The following DACH2 variants were observed in gnomAD, a reference collection of about 807,000 sequenced individuals.
DACH2 encodes dachshund family transcription factor 2.
Under a neutral mutation model 35.8 loss-of-function variants are expected in DACH2, and 17 were observed. The ratio of observed to expected loss-of-function variants is 0.48; its 90% CI spans 0.33 to 0.71. The LOEUF (loss-of-function observed/expected upper bound fraction) is 0.71, where lower values mean the gene tolerates loss of function less well. Ranked by LOEUF, DACH2 falls within the 30% of genes least tolerant of loss-of-function variation. The probability of loss-of-function intolerance (pLI) is 0.02; values close to 1 mark genes in which losing one functional copy is unlikely to be tolerated. For missense variants in DACH2, 469 were observed against 472.7 expected, an observed-to-expected ratio of 0.99 and a Z score of 0.07; for synonymous variants, 195 against 177.3, an observed-to-expected ratio of 1.10 and a Z score of -0.79.
intron 2 of DACH2, among the ~76,000 whole-genome samples, chrX:86,444,421 C>T (rs2037224265): frequency 1.8e-5 from 2 of 111,532 alleles, no homozygotes; most frequent in Non-Finnish European, 3.8e-5. Context: ...TAGAATTCAG[C>T]AGTAAAGTCA....
At chrX:86,366,279 G>A (rs1449342520) in intron 1 of DACH2, among the ~76,000 whole-genome samples, 2 of 110,716 alleles carry the variant, frequency 1.8e-5, no homozygotes, top group Non-Finnish European at 3.8e-5. Context: ...TATAGTTAAT[G>A]TCCATTTACT....
At chrX:86,197,530 G>T (rs766622428) in intron 1 of DACH2, among the ~76,000 whole-genome samples, 1 of 110,857 alleles carries the variant, frequency 9.0e-6, no homozygotes, top group East Asian at 2.8e-4. Flanking sequence ...TGCATGCAAT[G>T]ACACCTCTTA....
At chrX:86,678,478 G>GAT (rs1342632886) in intron 4 of DACH2, among the ~76,000 whole-genome samples, 4 of 111,553 alleles carry the variant, frequency 3.6e-5, no homozygotes, top group Non-Finnish European at 7.5e-5. Flanking sequence ...GTTTTCACTT[G>GAT]GTAAAAATAA....
intron 6 of DACH2, among the ~76,000 whole-genome samples, chrX:86,726,303 C>A (rs1214789528): frequency 9.0e-6 from 1 of 111,511 alleles, no homozygotes; most frequent in African/African-American, 3.3e-5. Context: ...GCAGAGTCAG[C>A]CCAAACTCTG....
At chrX:86,405,840 G>A (rs775661711) in intron 2 of DACH2, among the ~76,000 whole-genome samples, 53 of 111,774 alleles carry the variant, frequency 4.7e-4, no homozygotes, top group South Asian at 1.5e-3. Context: ...CAGTTCCAGA[G>A]GTCTGGGGAG....
chrX:86,206,826 G>A (rs1460046790), intron 1 of DACH2, among the ~76,000 whole-genome samples: 1 of 112,003 alleles, frequency 8.9e-6, no homozygotes, highest in East Asian at 2.8e-4. Context: ...GCCCACACAT[G>A]AAATCGATGT....
intron 6 of DACH2, among the ~76,000 whole-genome samples, chrX:86,719,789 A>T (rs1324375733): frequency 2.7e-5 from 3 of 110,467 alleles, no homozygotes; most frequent in Non-Finnish European, 5.7e-5. Context: ...GGGGATTATA[A>T]CAATTCAAGG....
intron 1 of DACH2, among the ~76,000 whole-genome samples, chrX:86,322,516 G>T (rs1022257710): frequency 1.8e-5 from 2 of 111,793 alleles, no homozygotes; most frequent in African/African-American, 3.3e-5. Context: ...CCCTGTGGTT[G>T]CAGGTATGAC....
intron 3 of DACH2, among the ~76,000 whole-genome samples, chrX:86,633,969 T>A (rs1179640209): frequency 8.9e-6 from 1 of 112,264 alleles, no homozygotes; most frequent in Non-Finnish European, 1.9e-5. Flanking sequence ...GGGTAATTTA[T>A]GAAGAGAAGA....
chrX:86,324,895 A>T (rs1201732209), intron 1 of DACH2, among the ~76,000 whole-genome samples: 2 of 110,606 alleles, frequency 1.8e-5, no homozygotes, highest in Non-Finnish European at 3.8e-5. Context: ...GTCAGAAGCC[A>T]TCAACATATA....
At position 86,156,930 on chromosome X, in the gene DACH2, A is replaced by T. The variant is rs1030269786; in HGVS notation, c.488+7822A>T. On this transcript the variant is annotated intron_variant, in intron 1 of 11. Coordinates refer to ENST00000373125, the MANE Select transcript of DACH2 (RefSeq NM_053281.3). ...TAAGGCCCAATCCAATGAAACTCAA[A>T]TTTGCATGAAGTATCCTCCTCACCA... Among the ~76,000 whole-genome samples the T allele has an allele frequency of 2.7e-5, 3 of 111,320 alleles. No individual in the cohort carries two copies. The Admixed American group carries it at 2.9e-4, about 11-fold the overall frequency.
At chrX:86,426,373 A>T (rs1034944729) in intron 2 of DACH2, among the ~76,000 whole-genome samples, 2 of 110,884 alleles carry the variant, frequency 1.8e-5, no homozygotes, top group African/African-American at 6.5e-5. Context: ...TTAAGAACAT[A>T]CTATTTCTGA....
chrX:86,465,512 A>C (rs935236268), intron 2 of DACH2, among the ~76,000 whole-genome samples: 2 of 111,726 alleles, frequency 1.8e-5, no homozygotes, highest in Non-Finnish European at 3.8e-5. Context: ...ATTGAGTGGA[A>C]TTTTGACAAT....
intron 1 of DACH2, among the ~76,000 whole-genome samples, chrX:86,298,402 T>A (rs1244922970): frequency 8.9e-6 from 1 of 112,057 alleles, no homozygotes; most frequent in Non-Finnish European, 1.9e-5. Context: ...AATATTGTAG[T>A]TAATAGAGGC....
In DACH2 at chrX:86,812,948, C is replaced by T. The variant is rs1303564495; in HGVS notation, c.1333C>T (p.Pro445Ser). 1 of 1,209,034 alleles carries T rather than the reference C, an allele frequency of 8.3e-7. No individual in the cohort carries two copies. The highest frequency in any genetic ancestry group is 1.1e-6 in the Non-Finnish European group (1 of 893,638). ...GGCATTGCCCGCTGGATTCCCTGGA[C>T]CATTCATTTTTGCTGATAGTCTGTC... ...GQALPAGFPG[P>S]FIFADSLSSV... The change falls in exon 8 of 12, where the codon CCA becomes TCA. Residue 445 changes from proline to serine, a missense_variant. Around this residue, in one of 3 missense-constraint regions of DACH2, gnomAD observed 363 missense variants for 334.4 expected, o/e 1.09. Coordinates refer to ENST00000373125, the MANE Select transcript of DACH2 (RefSeq NM_053281.3).
chrX:86,165,594 C>A (rs1383889736), intron 1 of DACH2, among the ~76,000 whole-genome samples: 3 of 111,001 alleles, frequency 2.7e-5, no homozygotes, highest in Non-Finnish European at 5.7e-5. Flanking sequence ...TGTTGGGCAC[C>A]TTTTCATATG....
Position 86,262,505 on chromosome X carries a change from C to A in DACH2, c.488+113397C>A, listed in dbSNP as rs767097338. On this transcript the variant is annotated intron_variant, in intron 1 of 11. Coordinates refer to ENST00000373125, the MANE Select transcript of DACH2 (RefSeq NM_053281.3). ...TTGCTGGACATAGAGTTAAATCTCA[C>A]TTTTAAATCCCTTGAAATTGAAATG... 3.6e-5 allele frequency among the ~76,000 whole-genome samples: 4 copies of A among 111,696 alleles called. No homozygotes were observed. In the East Asian group the frequency reaches 1.1e-3, roughly 32 times the overall value.
chrX:86,736,128 G>T (rs753658062), intron 6 of DACH2, among the ~76,000 whole-genome samples: 162 of 110,781 alleles, frequency 1.5e-3, no homozygotes, highest in African/African-American at 5.1e-3. Flanking sequence ...TATTTTAGGA[G>T]AACTTAAACA....
chrX:86,701,304 T>C (rs1034857963), intron 5 of DACH2, among the ~76,000 whole-genome samples: 2 of 111,404 alleles, frequency 1.8e-5, no homozygotes, highest in African/African-American at 6.5e-5. Context: ...TTTGGTAAAA[T>C]TGAAGATCCC....
Sources: gnomAD v4.1 joint callset for allele counts (sites outside exome capture counted in the v4.1 genomes callset) on GRCh38, gnomAD v4.1.1 for gene constraint, gnomAD v4.1.1 regional missense constraint, MANE v1.5 for transcripts, NCBI Gene and HGNC (gene_info 2026-07-23, HGNC 2026-07-21) for gene names.